PLIN2: variants seen among roughly 807,000 people sequenced by gnomAD.
The protein encoded by PLIN2 is perilipin 2, also known as perilipin-2.
A neutral mutation model predicts 30.6 loss-of-function variants in PLIN2; 33 were observed. That is an observed-to-expected ratio of 1.08 (90% CI 0.82 to 1.44). The LOEUF is 1.44. Ranked by LOEUF, PLIN2 falls within the 40% of genes most tolerant of loss-of-function variation. The pLI, the probability that PLIN2 is intolerant of heterozygous loss-of-function variation, is 0.00. For missense variants in PLIN2, 610 were observed against 531.8 expected (o/e 1.15, Z -1.45); for synonymous variants, 205 against 201.1 (o/e 1.02, Z -0.16).
intron 4 of PLIN2, among the ~76,000 whole-genome samples, chr9:19,121,756 A>AC (rs1818320616): frequency 6.6e-6 from 1 of 152,104 alleles, no homozygotes; most frequent in African/African-American, 2.4e-5. Flanking sequence ...ACATGGTGAA[A>AC]CCCCGTCTCT....
At chr9:19,123,512 G>C (rs778202945) in intron 4 of PLIN2, 53 bp downstream of exon 4, 1 of 1,613,444 alleles carries the variant, frequency 6.2e-7, no homozygotes, top group Non-Finnish European at 8.5e-7. Flanking sequence ...TTAACAGATA[G>C]AAGATGAAAA....
chr9:19,112,353 A>G (rs980677384), downstream of PLIN2, among the ~76,000 whole-genome samples: 2 of 152,142 alleles, frequency 1.3e-5, no homozygotes, highest in African/African-American at 2.4e-5. Context: ...TGTTTTCTGG[A>G]GGAAAAAAAG....
intron 4 of PLIN2, 57 bp from the exon 5 acceptor site, chr9:19,121,222 C>T: frequency 1.3e-6 from 2 of 1,495,834 alleles, no homozygotes; most frequent in Non-Finnish European, 1.9e-6. Context: ...CAAGGACATA[C>T]CTAAGGTCTT....
At chr9:19,111,330 G>A (rs1818156844), downstream of PLIN2, among the ~76,000 whole-genome samples, 1 of 152,168 alleles carries the variant, frequency 6.6e-6, no homozygotes, top group Non-Finnish European at 1.5e-5. Context: ...TTACAGGCAT[G>A]AGCCACCGCA....
chr9:19,117,839 G>A (rs921972895), intron 7 of PLIN2, among the ~76,000 whole-genome samples: 9 of 151,886 alleles, frequency 5.9e-5, no homozygotes, highest in Middle Eastern at 3.4e-3. Flanking sequence ...GGATGGTCTC[G>A]ATCTCCTGAC....
intron 2 of PLIN2, among the ~76,000 whole-genome samples, chr9:19,109,531 ACT>A (rs1818131824): frequency 8.1e-6 from 1 of 124,024 alleles, no homozygotes; most frequent in African/African-American, 3.0e-5. Flanking sequence ...ACAGAGCGAG[ACT>A]CTGTCTGAAA....
chr9:19,119,654 T>G lies in PLIN2; in HGVS notation c.773A>C (p.His258Pro). 1.9e-6 allele frequency: 3 copies of G among 1,566,620 alleles called. No homozygotes were observed. The highest frequency in any genetic ancestry group is 1.7e-6 in the Non-Finnish European group (2 of 1,151,984). Residue 258 changes from histidine to proline, a missense_variant, in exon 6 of 8, where the codon CAC becomes CCC. Coordinates refer to ENST00000276914, the MANE Select transcript of PLIN2 (RefSeq NM_001122.4). ...QTISQLHSTV[H>P]LIEFARKNVY... is the part of the protein sequence containing the mutation. ...TTAAAATAAAGTTTTACTCACCAGG[T>G]GAACAGTAGAATGGAGCTGAGAAAT...
chr9:19,123,439 C>T (rs1564031603), intron 4 of PLIN2, 126 bp downstream of exon 4: 1 of 1,558,498 alleles, frequency 6.4e-7, no homozygotes, highest in Non-Finnish European at 8.7e-7. Flanking sequence ...ATTTTTCAAA[C>T]ATACATCCAG....
At chr9:19,117,246 G>A (rs567775312) in intron 7 of PLIN2, among the ~76,000 whole-genome samples, 2 of 150,600 alleles carry the variant, frequency 1.3e-5, no homozygotes, top group African/African-American at 2.4e-5. Flanking sequence ...CTGCGGACCC[G>A]ACCTCTCGGG....
At position 19,121,100 on chromosome 9, in the gene PLIN2, C is replaced by T; in HGVS notation, c.375G>A (p.Gly125=). 6.2e-7 allele frequency: 1 copy of T among 1,614,148 alleles called. No individual in the cohort carries two copies. The highest frequency in any genetic ancestry group is 8.5e-7 in the Non-Finnish European group (1 of 1,180,012). ...AKDAVTTTVT[G]AKDSVASTIT... is the part of the protein sequence containing the mutation. ...TCGTGCTGGCCACAGAATCCTTGGC[C>T]CCAGTCACAGTAGTCGTCACAGCAT... The change falls in exon 5 of 8, where the codon GGG becomes GGA. Residue 125 remains glycine (G), a synonymous_variant. Transcript: ENST00000276914.
At position 19,121,183 on chromosome 9, in the gene PLIN2, G is replaced by C; in HGVS notation, c.310-18C>G. ...GCAACAATCTGTAAGTAGAAAAGCA[G>C]ATCCCCTGGCTGGTGAGAAAAATGA... On this transcript the variant is annotated intron_variant, in intron 4 of 7. Transcript: ENST00000276914. The C allele has an allele frequency of 6.2e-7, 1 of 1,611,582 alleles. No individual in the cohort carries two copies. Among genetic ancestry groups the C allele is most frequent in the Non-Finnish European group, 8.5e-7 (1 of 1,178,086 alleles).
chr9:19,115,310 C>CTTTT (rs796763566), downstream of PLIN2, among the ~76,000 whole-genome samples: 1 of 137,808 alleles, frequency 7.3e-6, no homozygotes, highest in Non-Finnish European at 1.6e-5. Flanking sequence ...ATTTTCTTTT[C>CTTTT]TTTTTTTTTT....
intron 4 of PLIN2, among the ~76,000 whole-genome samples, chr9:19,122,536 T>C (rs1222167633): frequency 9.9e-6 from 1 of 100,780 alleles, no homozygotes; most frequent in Admixed American, 9.8e-5. Flanking sequence ...AGCCTAGGTA[T>C]ATAGCAGGCT....
At chr9:19,115,182 G>A (rs1006235304), downstream of PLIN2, among the ~76,000 whole-genome samples, 5 of 152,184 alleles carry the variant, frequency 3.3e-5, no homozygotes, top group Non-Finnish European at 7.3e-5. Flanking sequence ...CAGTAAGTTG[G>A]CAAACAAAGA....
chr9:19,112,258 C>A (rs1818168491), downstream of PLIN2, among the ~76,000 whole-genome samples: 1 of 152,148 alleles, frequency 6.6e-6, no homozygotes, highest in Admixed American at 6.6e-5. Flanking sequence ...GCACACCATG[C>A]CAGGTTTCAT....
At chr9:19,119,613 A>G (rs1360455853) in intron 6 of PLIN2, 37 bp downstream of exon 6, 19 of 1,268,320 alleles carry the variant, frequency 1.5e-5, no homozygotes, top group Admixed American at 2.4e-5. Context: ...AGATAAATGA[A>G]CCCACTTCAG....
chr9:19,120,385 C>T (rs373429113), intron 5 of PLIN2, among the ~76,000 whole-genome samples: 1 of 152,134 alleles, frequency 6.6e-6, no homozygotes, highest in East Asian at 1.9e-4. Context: ...TGGTACCTGG[C>T]ACACATTACC....
At chr9:19,114,577 T>C (rs1014907878), downstream of PLIN2, among the ~76,000 whole-genome samples, 1 of 151,990 alleles carries the variant, frequency 6.6e-6, no homozygotes, top group Non-Finnish European at 1.5e-5. Flanking sequence ...CTAATTTTTG[T>C]ATTTTTTGTA....
chr9:19,112,373 C>G (rs1369782348), downstream of PLIN2, among the ~76,000 whole-genome samples: 1 of 152,090 alleles, frequency 6.6e-6, no homozygotes, highest in Non-Finnish European at 1.5e-5. Context: ...GTCTGTAAAA[C>G]CAAAATTTTC....
Sources: gnomAD v4.1 joint callset for allele counts (sites outside exome capture counted in the v4.1 genomes callset) on GRCh38, gnomAD v4.1.1 for gene constraint, MANE v1.5 for transcripts, NCBI Gene and HGNC (gene_info 2026-07-23, HGNC 2026-07-21) for gene names.